The following PRR14L variants were observed in gnomAD, a reference collection of about 807,000 sequenced individuals.
The protein encoded by PRR14L is protein PRR14L.
A neutral mutation model predicts 155.0 loss-of-function variants in PRR14L; 80 were observed. The ratio of observed to expected loss-of-function variants is 0.52; its 90% CI spans 0.43 to 0.62. PRR14L has a LOEUF of 0.62. Ranked by LOEUF, PRR14L falls within the 20% of genes least tolerant of loss-of-function variation. The probability of loss-of-function intolerance (pLI) is 0.00; values close to 1 mark genes in which losing one functional copy is unlikely to be tolerated. For synonymous variants in PRR14L, 883 were observed against 916.0 expected, an observed-to-expected ratio of 0.96 and a Z score of 0.65; for missense variants, 2,469 against 2,548.0, an observed-to-expected ratio of 0.97 and a Z score of 0.67.
rs376409414 is a variant in PRR14L, at chr22:31,690,436, C to T, written c.6108-2209G>A. Among the ~76,000 whole-genome samples the T allele has an allele frequency of 5.3e-5, 8 of 152,266 alleles. No individual in the cohort carries two copies. In the South Asian group the frequency reaches 6.2e-4, roughly 12 times the overall value. ...CTGATCTCAGGTGATCCACCCATCT[C>T]GGCCTCCCAAAGTGCTGGAATTACA... On this transcript the variant is annotated intron_variant, in intron 7 of 8. Transcript: ENST00000327423.
intron 4 of PRR14L, among the ~76,000 whole-genome samples, chr22:31,708,636 C>T (rs1451633836): frequency 6.7e-6 from 1 of 149,890 alleles, no homozygotes; most frequent in African/African-American, 2.5e-5. Context: ...CACCAGCAGT[C>T]TTGTTGCTGT....
At chr22:31,737,473 T>G (rs928295426) in intron 2 of PRR14L, among the ~76,000 whole-genome samples, 9 of 147,996 alleles carry the variant, frequency 6.1e-5, no homozygotes, top group African/African-American at 2.2e-4. Context: ...AGAGCAAGAC[T>G]CTGTCTCAAA....
Position 31,734,012 on chromosome 22 carries a change from C to T in PRR14L, c.474+4375G>A, listed in dbSNP as rs894437256. Among the ~76,000 whole-genome samples, 22 of 152,094 alleles carry T rather than the reference C, an allele frequency of 1.4e-4. No homozygotes were observed. In the South Asian group the frequency reaches 2.9e-3, roughly 20 times the overall value. ...TTTTTGAAAGGGAGTCTCACTCTGT[C>T]GCCAGGCTGGAGTGCAGTGGCACAA... On this transcript the variant is annotated intron_variant, in intron 2 of 8. Coordinates refer to ENST00000327423, the MANE Select transcript of PRR14L (RefSeq NM_173566.3).
At chr22:31,705,803 C>CA (rs1334166282) in intron 4 of PRR14L, among the ~76,000 whole-genome samples, 1 of 151,280 alleles carries the variant, frequency 6.6e-6, no homozygotes, top group Non-Finnish European at 1.5e-5. Flanking sequence ...AGTTCGAGAC[C>CA]AGCCTGGTCA....
At chr22:31,737,256 G>A (rs939388815) in intron 2 of PRR14L, among the ~76,000 whole-genome samples, 5 of 151,604 alleles carry the variant, frequency 3.3e-5, no homozygotes, top group African/African-American at 1.2e-4. Context: ...CAAGACGGTC[G>A]GATCACCTGA....
intron 7 of PRR14L, among the ~76,000 whole-genome samples, chr22:31,689,382 C>CTT (rs139277759): frequency 0.035 from 5,403 of 152,244 alleles, 117 homozygotes; most frequent in South Asian, 0.066. Flanking sequence ...CTAGGAGTCT[C>CTT]TGAGAGCTTT....
At chr22:31,711,162 A>G (rs1204958660) in intron 4 of PRR14L, among the ~76,000 whole-genome samples, 4 of 152,218 alleles carry the variant, frequency 2.6e-5, no homozygotes, top group Non-Finnish European at 5.9e-5. Flanking sequence ...GTTTTCTGCA[A>G]GATGGGCGCA....
chr22:31,747,944 C>A (rs1241680220), intron 1 of PRR14L, among the ~76,000 whole-genome samples: 1 of 149,976 alleles, frequency 6.7e-6, no homozygotes, highest in Non-Finnish European at 1.5e-5. Context: ...TTCAAACACT[C>A]CCCAAAACAA....
chr22:31,707,924 C>T (rs1317390121), intron 4 of PRR14L, among the ~76,000 whole-genome samples: 1 of 152,090 alleles, frequency 6.6e-6, no homozygotes, highest in African/African-American at 2.4e-5. Flanking sequence ...CTGGGGCAGG[C>T]AGATCACCTG....
rs535733733 is a variant in PRR14L at position 31,699,286 on chromosome 22, C to T, written c.6107+2370G>A. On this transcript the variant is annotated intron_variant, in intron 7 of 8. Transcript: ENST00000327423. ...CTTTTGACCTCAAATGATCCACCCACCTCAGCCTCCCAAAGTGCTTGGATT... is the reference window on the plus strand; with the variant it reads ...CTTTTGACCTCAAATGATCCACCCATCTCAGCCTCCCAAAGTGCTTGGATT... Among the ~76,000 whole-genome samples the T allele has an allele frequency of 4.3e-4, 65 of 152,320 alleles. 2 individuals carry two copies. The South Asian group carries it at 0.013, about 31-fold the overall frequency.
At chr22:31,739,310 T>C (rs907770136) in intron 1 of PRR14L, among the ~76,000 whole-genome samples, 1 of 152,202 alleles carries the variant, frequency 6.6e-6, no homozygotes, top group East Asian at 1.9e-4. Context: ...CATATCCCCA[T>C]GCTATCCCAT....
intron 1 of PRR14L, among the ~76,000 whole-genome samples, chr22:31,749,761 G>A (rs2074862114): frequency 6.6e-6 from 1 of 152,184 alleles, no homozygotes; most frequent in Non-Finnish European, 1.5e-5. Flanking sequence ...TCTCTCTCCC[G>A]CGTCGGAGCC....
At chr22:31,732,544 G>A (rs1380586228) in intron 2 of PRR14L, among the ~76,000 whole-genome samples, 1 of 152,224 alleles carries the variant, frequency 6.6e-6, no homozygotes, top group Non-Finnish European at 1.5e-5. Context: ...TATTTCATAC[G>A]TGTTGTCACA....
chr22:31,712,237 A>C lies in PRR14L; in HGVS notation c.5602T>G (p.Ser1868Ala), dbSNP rs1440502605. The C allele has an allele frequency of 6.2e-7, 1 of 1,614,038 alleles. No homozygotes were observed. The highest frequency in any genetic ancestry group is 8.5e-7 in the Non-Finnish European group (1 of 1,180,040). Residue 1868 changes from serine (S) to alanine (A), a missense_variant, in exon 4 of 9, where the codon TCC becomes GCC. Coordinates refer to ENST00000327423, the MANE Select transcript of PRR14L (RefSeq NM_173566.3). ...GAACAGAAGACCTTGTCTGCTATGG[A>C]GGCTGGAGACCGTAACCCTTTCAGG... The part of the protein sequence containing the change: ...QGLKGLRSPA[S>A]IADKVFCSLP...
chr22:31,688,313 A>C lies in PRR14L; in HGVS notation c.6108-86T>G, dbSNP rs1378030464. The C allele has an allele frequency of 9.9e-6, 14 of 1,409,770 alleles. No homozygotes were observed. In the East Asian group the frequency reaches 3.9e-4, roughly 39 times the overall value. The allele number at this position is 1,409,770 out of a possible 1,614,324, so 87.3% of individuals were successfully genotyped here. A position where few individuals can be genotyped will look rare whatever the true frequency, so the allele number is the denominator to read the frequency against. ...GGTCTTGCTCTGTTGCCCAGGCTGAAGGGCAGTGACATGATCATAGCTCAC... is the reference window on the plus strand; with the variant it reads ...GGTCTTGCTCTGTTGCCCAGGCTGACGGGCAGTGACATGATCATAGCTCAC... On this transcript the variant is annotated intron_variant, in intron 7 of 8. Coordinates refer to ENST00000327423, the MANE Select transcript of PRR14L (RefSeq NM_173566.3).
chr22:31,717,968 C>T (rs62240689), intron 3 of PRR14L, among the ~76,000 whole-genome samples: 6,470 of 150,652 alleles, frequency 0.043, 114 homozygotes, highest in Non-Finnish European at 0.05. Flanking sequence ...GCTCTTGTCG[C>T]CCAGGCTGGA....
chr22:31,694,313 A>C (rs1018658382), intron 7 of PRR14L, among the ~76,000 whole-genome samples: 11 of 151,742 alleles, frequency 7.2e-5, no homozygotes, highest in African/African-American at 2.7e-4. Context: ...CAAGTGATCC[A>C]CCCATCTCAG....
intron 4 of PRR14L, among the ~76,000 whole-genome samples, chr22:31,706,620 C>T (rs2074593786): frequency 6.6e-6 from 1 of 152,008 alleles, no homozygotes; most frequent in Non-Finnish European, 1.5e-5. Flanking sequence ...CACGGGGTTT[C>T]ACCATATTGG....
intron 7 of PRR14L, among the ~76,000 whole-genome samples, chr22:31,699,032 T>C (rs536855490): frequency 6.6e-6 from 1 of 152,144 alleles, no homozygotes; most frequent in African/African-American, 2.4e-5. Context: ...TGCTTTATTA[T>C]AAATTTAGAA....
Sources: allele counts gnomAD v4.1 joint callset (sites outside exome capture counted in the v4.1 genomes callset), GRCh38; gene constraint gnomAD v4.1.1; transcripts MANE v1.5; gene names NCBI Gene and HGNC (gene_info 2026-07-23, HGNC 2026-07-21).